XKR4: variants seen among roughly 807,000 people sequenced by gnomAD.
The protein encoded by XKR4 is XK-related protein 4.
In XKR4, 12 loss-of-function variants were observed where a neutral mutation model predicts 53.9. The observed-to-expected ratio is 0.22, with a 90% CI of 0.14 to 0.36. XKR4 has a LOEUF of 0.36. Ranked by LOEUF, XKR4 falls within the 10% of genes least tolerant of loss-of-function variation. The pLI is 1.00. For synonymous variants in XKR4, 354 were observed against 362.4 expected, an observed-to-expected ratio of 0.98 and a Z score of 0.26; for missense variants, 799 against 859.5, an observed-to-expected ratio of 0.93 and a Z score of 0.88.
intron 2 of XKR4, among the ~76,000 whole-genome samples, chr8:55,366,002 G>C (rs1008470891): frequency 6.6e-6 from 1 of 152,250 alleles, no homozygotes; most frequent in African/African-American, 2.4e-5. Context: ...GGCTGCGGAG[G>C]GCACAGGCCG....
At chr8:55,344,771 A>G (rs1445582701) in intron 1 of XKR4, among the ~76,000 whole-genome samples, 1 of 152,228 alleles carries the variant, frequency 6.6e-6, no homozygotes, top group Non-Finnish European at 1.5e-5. Flanking sequence ...GTTGCCCAAG[A>G]GGCCCTGGCC....
chr8:55,446,576 T>C (rs550308382), intron 2 of XKR4, among the ~76,000 whole-genome samples: 13 of 152,280 alleles, frequency 8.5e-5, no homozygotes, highest in African/African-American at 2.9e-4. Context: ...CTTGAACTCC[T>C]GAGCTCAGGA....
intron 2 of XKR4, among the ~76,000 whole-genome samples, chr8:55,423,417 A>G (rs1804967517): frequency 6.6e-6 from 1 of 152,212 alleles, no homozygotes; most frequent in Non-Finnish European, 1.5e-5. Flanking sequence ...TAAAAATAGT[A>G]GCCAGTTAAG....
intron 2 of XKR4, among the ~76,000 whole-genome samples, chr8:55,430,856 G>A (rs1158691091): frequency 6.6e-6 from 1 of 152,142 alleles, no homozygotes; most frequent in Admixed American, 6.5e-5. Flanking sequence ...TCACCCTTGT[G>A]ACCTAATTTT....
intron 1 of XKR4, among the ~76,000 whole-genome samples, chr8:55,338,001 A>G (rs1803487468): frequency 6.6e-6 from 1 of 152,198 alleles, no homozygotes; most frequent in African/African-American, 2.4e-5. Flanking sequence ...GCCTAAGCTG[A>G]CTGGAATCAA....
intron 2 of XKR4, 93 bp from the exon 3 acceptor site, chr8:55,523,188 C>A: frequency 1.7e-6 from 2 of 1,165,530 alleles, no homozygotes. Context: ...GAGGTCAAAG[C>A]CAGCCTTCCC....
At chr8:55,325,217 A>G (rs1182285755) in intron 1 of XKR4, among the ~76,000 whole-genome samples, 1 of 152,208 alleles carries the variant, frequency 6.6e-6, no homozygotes, top group Non-Finnish European at 1.5e-5. Flanking sequence ...GGAAGATGTT[A>G]GTGTTGCTGT....
intron 2 of XKR4, among the ~76,000 whole-genome samples, chr8:55,514,891 G>C (rs1241411454): frequency 7.9e-5 from 12 of 152,238 alleles, no homozygotes; most frequent in Middle Eastern, 3.4e-3. Flanking sequence ...CTCAGAGAAA[G>C]TATTGTTTAG....
intron 1 of XKR4, among the ~76,000 whole-genome samples, chr8:55,184,237 G>C (rs1817349286): frequency 6.6e-6 from 1 of 152,126 alleles, no homozygotes; most frequent in Non-Finnish European, 1.5e-5. Flanking sequence ...GTTGGTTGCT[G>C]TCCATCCTTA....
At chr8:55,503,276 G>A (rs1806472751) in intron 2 of XKR4, among the ~76,000 whole-genome samples, 1 of 152,028 alleles carries the variant, frequency 6.6e-6, no homozygotes, top group South Asian at 2.1e-4. Flanking sequence ...ACTTTGGGTA[G>A]TATTGACATC....
chr8:55,498,500 C>A (rs1232385322), intron 2 of XKR4, among the ~76,000 whole-genome samples: 1 of 152,176 alleles, frequency 6.6e-6, no homozygotes, highest in East Asian at 1.9e-4. Flanking sequence ...TGATGCAGGG[C>A]CGGGCACAGT....
At chr8:55,499,900 T>C (rs1806409822) in intron 2 of XKR4, among the ~76,000 whole-genome samples, 1 of 152,172 alleles carries the variant, frequency 6.6e-6, no homozygotes, top group African/African-American at 2.4e-5. Context: ...TCTCAATCCC[T>C]AGGTGTGCCC....
intron 2 of XKR4, among the ~76,000 whole-genome samples, chr8:55,394,983 T>A (rs1263636026): frequency 6.6e-6 from 1 of 152,140 alleles, no homozygotes; most frequent in Admixed American, 6.6e-5. Flanking sequence ...GAGGCATGAT[T>A]GAGGGAGCTA....
At chr8:55,396,399 G>GTTTTTTTTTTTTTTTGTTTTT (rs1804518993) in intron 2 of XKR4, among the ~76,000 whole-genome samples, 1 of 88,748 alleles carries the variant, frequency 1.1e-5, no homozygotes, top group Non-Finnish European at 2.0e-5. Flanking sequence ...TTTTTGTTTG[G>GTTTTTTTTTTTTTTTGTTTTT]TTTTTTTTTT....
rs1035377452 is a variant in XKR4, at chr8:55,514,696, G to C, written c.1007-8585G>C. 3.3e-5 allele frequency among the ~76,000 whole-genome samples: 5 copies of C among 152,034 alleles called. No homozygotes were observed. In the East Asian group the frequency reaches 9.6e-4, roughly 29 times the overall value. On this transcript the variant is annotated intron_variant, in intron 2 of 2. Transcript: ENST00000327381. ...AAAAAACAAACAAAAAAATCATTCAGTGTCTTTTTTTTTAAACGTGGGATG... is the reference window on the plus strand; with the variant it reads ...AAAAAACAAACAAAAAAATCATTCACTGTCTTTTTTTTTAAACGTGGGATG...
At chr8:55,367,623 C>A (rs1313916378) in intron 2 of XKR4, among the ~76,000 whole-genome samples, 1 of 152,176 alleles carries the variant, frequency 6.6e-6, no homozygotes, top group East Asian at 1.9e-4. Context: ...TGCTCCAAAT[C>A]CACTCCAAAA....
At chr8:55,498,549 G>A (rs1199106693) in intron 2 of XKR4, among the ~76,000 whole-genome samples, 1 of 152,208 alleles carries the variant, frequency 6.6e-6, no homozygotes, top group Non-Finnish European at 1.5e-5. Flanking sequence ...GGAGGCCGAG[G>A]TGGGAGGATC....
chr8:55,112,386 G>A (rs1453202839), intron 1 of XKR4, among the ~76,000 whole-genome samples: 1 of 151,998 alleles, frequency 6.6e-6, no homozygotes, highest in East Asian at 1.9e-4. Context: ...GACTTGAGAT[G>A]ACTGGTTTGA....
chr8:55,108,246 TGAGG>T (rs1347322707), intron 1 of XKR4, among the ~76,000 whole-genome samples: 1 of 151,382 alleles, frequency 6.6e-6, no homozygotes, highest in African/African-American at 2.4e-5. Context: ...ACATATGGAG[TGAGG>T]GAGGGAGAGT....
Sources: gnomAD v4.1 joint callset for allele counts (sites outside exome capture counted in the v4.1 genomes callset) on GRCh38, gnomAD v4.1.1 for gene constraint, MANE v1.5 for transcripts, NCBI Gene and HGNC (gene_info 2026-07-23, HGNC 2026-07-21) for gene names.